CAMK2B: variants seen among roughly 807,000 people sequenced by gnomAD.
CAMK2B encodes calcium/calmodulin dependent protein kinase II beta.
A neutral mutation model predicts 93.7 loss-of-function variants in CAMK2B; 27 were observed. The observed-to-expected ratio is 0.29, with a 90% CI of 0.21 to 0.40. The LOEUF (loss-of-function observed/expected upper bound fraction) is 0.40, where lower values mean the gene tolerates loss of function less well. Among genes scored for constraint, CAMK2B ranks in the 10% least tolerant of loss-of-function variants. The pLI is 1.00. For missense variants in CAMK2B, 568 were observed against 895.8 expected, an observed-to-expected ratio of 0.63 and a Z score of 4.67; for synonymous variants, 374 against 358.8, an observed-to-expected ratio of 1.04 and a Z score of -0.48.
At chr7:44,309,907 G>A (rs1159681832) in intron 1 of CAMK2B, among the ~76,000 whole-genome samples, 1 of 152,238 alleles carries the variant, frequency 6.6e-6, no homozygotes, top group Non-Finnish European at 1.5e-5. Context: ...TGGAGCGGCG[G>A]CCCGCGGGTA....
chr7:44,249,800 C>T (rs763741066), intron 5 of CAMK2B, among the ~76,000 whole-genome samples: 68 of 152,138 alleles, frequency 4.5e-4, no homozygotes, highest in African/African-American at 1.4e-3. Flanking sequence ...GAGTCCTGGC[C>T]GCAGCTCTGG....
intron 21 of CAMK2B, 40 bp downstream of exon 21, chr7:44,220,786 C>T (rs773696072): frequency 2.6e-6 from 4 of 1,560,074 alleles, no homozygotes; most frequent in Non-Finnish European, 3.5e-6. Flanking sequence ...GGTCCCACAT[C>T]CTTGTCCTGC....
intron 16 of CAMK2B, 86 bp downstream of exon 16, chr7:44,232,736 C>A: frequency 2.9e-6 from 4 of 1,375,726 alleles, no homozygotes; most frequent in Non-Finnish European, 4.1e-6. Context: ...CTGCCCTCCA[C>A]TCTGGCACAA....
chr7:44,251,910 T>C (rs185508157), intron 5 of CAMK2B, among the ~76,000 whole-genome samples: 264 of 152,272 alleles, frequency 1.7e-3, no homozygotes, highest in African/African-American at 5.9e-3. Flanking sequence ...CTCCCGAGCC[T>C]ACCCTGAGGC....
At chr7:44,261,588 C>T (rs2096879559) in intron 3 of CAMK2B, among the ~76,000 whole-genome samples, 1 of 152,112 alleles carries the variant, frequency 6.6e-6, no homozygotes, top group Admixed American at 6.5e-5. Flanking sequence ...GTTGCTCAGG[C>T]CAGATGGAGC....
At chr7:44,232,322 C>CA (rs1230241980) in intron 16 of CAMK2B, among the ~76,000 whole-genome samples, 1 of 152,220 alleles carries the variant, frequency 6.6e-6, no homozygotes, top group Non-Finnish European at 1.5e-5. Flanking sequence ...TCCCTCCCAC[C>CA]ACCCCAGAGA....
At chr7:44,233,536 C>T (rs924736575) in intron 15 of CAMK2B, among the ~76,000 whole-genome samples, 1 of 152,156 alleles carries the variant, frequency 6.6e-6, no homozygotes, top group African/African-American at 2.4e-5. Context: ...TCAGGGGACA[C>T]CAAGCCTGCT....
intron 2 of CAMK2B, among the ~76,000 whole-genome samples, chr7:44,263,682 T>C (rs1369206054): frequency 1.3e-5 from 2 of 152,194 alleles, no homozygotes; most frequent in South Asian, 4.1e-4. Flanking sequence ...GCCCCTCCAC[T>C]GGCCCCCAAA....
chr7:44,284,567 G>A (rs1004097059), intron 1 of CAMK2B, among the ~76,000 whole-genome samples: 5 of 152,216 alleles, frequency 3.3e-5, no homozygotes, highest in East Asian at 1.9e-4. Context: ...GTGACCTACA[G>A]GCCTGTATCC....
chr7:44,291,552 T>C (rs894409431), intron 1 of CAMK2B, among the ~76,000 whole-genome samples: 2 of 152,224 alleles, frequency 1.3e-5, no homozygotes, highest in Non-Finnish European at 2.9e-5. Flanking sequence ...TGGGCCGGCA[T>C]CCAAGCATGT....
intron 1 of CAMK2B, among the ~76,000 whole-genome samples, chr7:44,301,285 G>A (rs528342055): frequency 6.6e-5 from 10 of 152,174 alleles, no homozygotes; most frequent in South Asian, 6.2e-4. Context: ...GCACCACCAT[G>A]CCCTGTGATG....
chr7:44,292,709 T>C (rs1366977812), intron 1 of CAMK2B, among the ~76,000 whole-genome samples: 2 of 152,204 alleles, frequency 1.3e-5, no homozygotes, highest in African/African-American at 2.4e-5. Context: ...TAGAAATCTT[T>C]ATTCAAAAAG....
At chr7:44,234,250 G>T in intron 15 of CAMK2B, 140 bp downstream of exon 15, 1 of 695,806 alleles carries the variant, frequency 1.4e-6, no homozygotes, top group Non-Finnish European at 2.4e-6. Context: ...TGAGGGATGA[G>T]GGGCGGGGGC....
At position 44,220,300 on chromosome 7, in the gene CAMK2B, G is replaced by T. The variant is rs762903500; in HGVS notation, c.1769-6C>A. ...CTTGCTGTTCTTGGCCAGCACTGTGGACAGCAGGCGGGGCGGGGGTCTCGG... is the reference window on the plus strand; with the variant it reads ...CTTGCTGTTCTTGGCCAGCACTGTGTACAGCAGGCGGGGCGGGGGTCTCGG... On this transcript the variant is annotated splice_region_variant and splice_polypyrimidine_tract_variant and intron_variant, in intron 22 of 23. Transcript: ENST00000395749. The T allele has an allele frequency of 1.7e-5, 28 of 1,607,810 alleles. No individual in the cohort carries two copies. The East Asian group carries it at 5.8e-4, about 33-fold the overall frequency.
intron 20 of CAMK2B, among the ~76,000 whole-genome samples, 156 bp downstream of exon 20, chr7:44,226,360 C>T (rs1353333233): frequency 6.6e-6 from 1 of 152,244 alleles, no homozygotes; most frequent in Non-Finnish European, 1.5e-5. Context: ...GTGGCACCTT[C>T]ATGTGCTTCA....
chr7:44,304,824 G>A (rs1281485896), intron 1 of CAMK2B, among the ~76,000 whole-genome samples: 4 of 152,156 alleles, frequency 2.6e-5, no homozygotes, highest in African/African-American at 4.8e-5. Context: ...GTTAACAACA[G>A]GGGTGGGGAA....
chr7:44,282,082 A>G (rs2097106359), intron 2 of CAMK2B, among the ~76,000 whole-genome samples: 1 of 152,188 alleles, frequency 6.6e-6, no homozygotes, highest in Non-Finnish European at 1.5e-5. Context: ...GTGTGTGAAC[A>G]TGCACAGGTA....
intron 1 of CAMK2B, among the ~76,000 whole-genome samples, chr7:44,313,121 C>A (rs148218391): frequency 2.0e-5 from 3 of 152,248 alleles, no homozygotes; most frequent in African/African-American, 7.2e-5. Context: ...CCCTGATGGG[C>A]TCCTGGCATC....
In CAMK2B at chr7:44,226,694, G is replaced by T. The variant is rs751273258; in HGVS notation, c.1469-50C>A. On this transcript the variant is annotated intron_variant, in intron 19 of 23. Transcript: ENST00000395749. ...AACACAAGGCAGGCACGGGGGGCACGCAGGAGAGAAACCATGGGCAGACAG... is the reference window on the plus strand; with the variant it reads ...AACACAAGGCAGGCACGGGGGGCACTCAGGAGAGAAACCATGGGCAGACAG... 1.3e-5 allele frequency: 19 copies of T among 1,460,204 alleles called. No homozygotes were observed. The Admixed American group carries it at 3.1e-4, about 23-fold the overall frequency. The allele number at this position is 1,460,204 out of a possible 1,614,324, so 90.5% of individuals were successfully genotyped here. A position where few individuals can be genotyped will look rare whatever the true frequency, so the allele number is the denominator to read the frequency against.
Sources: gnomAD v4.1 joint callset for allele counts (sites outside exome capture counted in the v4.1 genomes callset) on GRCh38, gnomAD v4.1.1 for gene constraint, MANE v1.5 for transcripts, NCBI Gene and HGNC (gene_info 2026-07-23, HGNC 2026-07-21) for gene names.